BDNF: variants seen among roughly 807,000 people sequenced by gnomAD.
BDNF encodes the protein neurotrophic factor BDNF precursor form.
BDNF carries 1 observed loss-of-function variant against 19.5 expected under a neutral mutation model. The observed-to-expected ratio is 0.05, with a 90% CI of 0.02 to 0.24. The LOEUF (loss-of-function observed/expected upper bound fraction) is 0.24. Among genes scored for constraint, BDNF ranks in the 10% least tolerant of loss-of-function variants. The pLI is 1.00. For missense variants in BDNF, 195 were observed against 317.6 expected, an observed-to-expected ratio of 0.61 and a Z score of 2.93; for synonymous variants, 100 against 121.6, an observed-to-expected ratio of 0.82 and a Z score of 1.17.
chr11:27,704,623 A>G (rs1277908309), upstream of BDNF, among the ~76,000 whole-genome samples: 1 of 152,220 alleles, frequency 6.6e-6, no homozygotes, highest in East Asian at 1.9e-4. Context: ...CGTAATTAGC[A>G]TAGGGAAAAT....
intron 1 of BDNF, among the ~76,000 whole-genome samples, chr11:27,695,261 C>A (rs965143467): frequency 6.6e-6 from 1 of 151,848 alleles, no homozygotes; most frequent in South Asian, 2.1e-4. Flanking sequence ...CGTTTATTTT[C>A]TTTGAATTCC....
intron 1 of BDNF, among the ~76,000 whole-genome samples, chr11:27,681,140 G>T (rs1313777681): frequency 6.6e-6 from 1 of 151,924 alleles, no homozygotes. Context: ...TGGGGGAAAG[G>T]GATTTCCCTC....
chr11:27,679,408 A>T (rs1250256840), intron 1 of BDNF, among the ~76,000 whole-genome samples: 2 of 152,214 alleles, frequency 1.3e-5, no homozygotes, highest in East Asian at 3.8e-4. Context: ...TTAGTCATTT[A>T]TTCATTCAGC....
chr11:27,658,398 A>G lies in BDNF; in HGVS notation c.167T>C (p.Leu56Ser). ...TTCGAAAGTGTCAGCCAATGATGTC[A>G]AGCCTCTTGAACCTGCCTTGGGCCC... is the stretch of plus-strand genomic sequence containing the variant. The part of the protein sequence containing the change: ...VNGPKAGSRG[L>S]TSLADTFEHV... Residue 56 changes from leucine to serine, a missense_variant, in exon 2 of 2, where the codon TTG becomes TCG. Coordinates refer to ENST00000356660, the MANE Select transcript of BDNF (RefSeq NM_001709.5). This position sits in a 1 kb window ranked among gnomAD's most constrained non-coding sequence, Gnocchi z 5.7. 4.3e-6 allele frequency: 7 copies of G among 1,614,146 alleles called. No individual in the cohort carries two copies. The highest frequency in any genetic ancestry group is 3.4e-6 in the Non-Finnish European group (4 of 1,180,014).
chr11:27,660,449 T>C (rs1362032587), intron 1 of BDNF, among the ~76,000 whole-genome samples: 8 of 152,210 alleles, frequency 5.3e-5, no homozygotes, highest in South Asian at 4.1e-4. Flanking sequence ...CTGAGTCCTG[T>C]ACCATCAAAG....
chr11:27,711,567 T>C (rs756829285), intron 1 of BDNF, among the ~76,000 whole-genome samples: 1 of 152,190 alleles, frequency 6.6e-6, no homozygotes, highest in Non-Finnish European at 1.5e-5. Context: ...GGGTGGTAGC[T>C]ATAAGATGGG....
At chr11:27,660,392 A>G in intron 1 of BDNF, 1 of 342,838 alleles carries the variant, frequency 2.9e-6, no homozygotes. Flanking sequence ...TGGTTTGAAT[A>G]AAATACAGAT....
intron 1 of BDNF, among the ~76,000 whole-genome samples, chr11:27,661,696 T>C (rs1229345327): frequency 6.6e-6 from 1 of 152,202 alleles, no homozygotes; most frequent in African/African-American, 2.4e-5. Context: ...CTCAACTCTC[T>C]CCAACATCTG....
rs1852373425 is a variant in BDNF at position 27,654,952 on chromosome 11, T to A, written c.*2869A>T. The A allele has an allele frequency of 6.6e-6, 1 of 152,112 alleles. No homozygotes were observed. Among genetic ancestry groups the A allele is most frequent in the Admixed American group, 6.6e-5 (1 of 15,258 alleles). 9.4% of individuals were successfully genotyped at this position (152,112 alleles called of 1,614,324 possible). A position where few individuals can be genotyped will look rare whatever the true frequency, so the allele number is the denominator to read the frequency against. ...AAAAATTCTATATTTAAAACATATA[T>A]TATATGTTAATTAGTACACTTAAAT... On this transcript the variant is annotated 3_prime_UTR_variant, in exon 2 of 2. Coordinates refer to ENST00000356660, the MANE Select transcript of BDNF (RefSeq NM_001709.5).
Position 27,689,056 on chromosome 11 carries a change from T to G in BDNF, c.-22+11108A>C, listed in dbSNP as rs528891498. The stretch of plus-strand genomic sequence containing the variant: ...CATTTTTAATCTTCCCATTACCACT[T>G]TATTCCTTGGCACACAGAAGGGTAC... On this transcript the variant is annotated intron_variant, in intron 1 of 1. Coordinates refer to ENST00000356660, the MANE Select transcript of BDNF (RefSeq NM_001709.5). Among the ~76,000 whole-genome samples the G allele has an allele frequency of 5.3e-5, 8 of 152,316 alleles. No homozygotes were observed. In the South Asian group the frequency reaches 1.5e-3, roughly 28 times the overall value.
chr11:27,667,255 C>T (rs988259567), intron 1 of BDNF, among the ~76,000 whole-genome samples: 1 of 152,124 alleles, frequency 6.6e-6, no homozygotes, highest in East Asian at 1.9e-4. Flanking sequence ...CTTACAAGAG[C>T]TCCTGAAGGA....
At chr11:27,695,802 A>G (rs2134048664) in intron 1 of BDNF, among the ~76,000 whole-genome samples, 1 of 151,810 alleles carries the variant, frequency 6.6e-6, no homozygotes, top group East Asian at 1.9e-4. Context: ...ATGAGACATC[A>G]GGGCAATGAG....
intron 1 of BDNF, among the ~76,000 whole-genome samples, chr11:27,667,528 A>G (rs987863350): frequency 6.6e-6 from 1 of 152,206 alleles, no homozygotes; most frequent in African/African-American, 2.4e-5. Flanking sequence ...GACCCATCTC[A>G]TGTGCAGAGA....
chr11:27,658,675 G>A lies in BDNF; in HGVS notation c.-21-90C>T, dbSNP rs1852901320. On this transcript the variant is annotated intron_variant, in intron 1 of 1. Transcript: ENST00000356660. This position sits in a 1 kb window ranked among gnomAD's most constrained non-coding sequence, Gnocchi z 5.7. ...GTGGCCCATCTGATTGTAATTCCAG[G>A]CCATTCTGCAGGGTCAAGGTTTTTT... is the stretch of plus-strand genomic sequence containing the variant. The A allele has an allele frequency of 1.2e-6, 2 of 1,610,458 alleles. No homozygotes were observed. The highest frequency in any genetic ancestry group is 3.4e-5 in the Admixed American group (2 of 59,438).
At chr11:27,706,092 C>T (rs999543826) in intron 1 of BDNF, among the ~76,000 whole-genome samples, 1 of 152,128 alleles carries the variant, frequency 6.6e-6, no homozygotes, top group Non-Finnish European at 1.5e-5. Context: ...GAAACTTGCT[C>T]CCAAAGCTGG....
intron 1 of BDNF, among the ~76,000 whole-genome samples, chr11:27,683,086 T>C (rs1179113255): frequency 6.6e-6 from 1 of 152,224 alleles, no homozygotes; most frequent in Non-Finnish European, 1.5e-5. Context: ...TCCTGACTTT[T>C]TAATGATCGC....
At chr11:27,679,316 T>G (rs1257875880) in intron 1 of BDNF, among the ~76,000 whole-genome samples, 1 of 152,206 alleles carries the variant, frequency 6.6e-6, no homozygotes, top group African/African-American at 2.4e-5. Context: ...TCCTATGTTA[T>G]CTCAAGCCGA....
intron 1 of BDNF, among the ~76,000 whole-genome samples, chr11:27,666,976 C>T (rs1490069873): frequency 2.0e-5 from 3 of 152,028 alleles, no homozygotes; most frequent in Middle Eastern, 3.2e-3. Context: ...GTCAGATTCA[C>T]CAAAGTTGAA....
At chr11:27,704,855 G>C (rs1250489980), upstream of BDNF, among the ~76,000 whole-genome samples, 1 of 152,162 alleles carries the variant, frequency 6.6e-6, no homozygotes, top group Non-Finnish European at 1.5e-5. Context: ...CATAAGAATA[G>C]CTCAATACCA....
Sources: gnomAD v4.1 joint callset for allele counts (sites outside exome capture counted in the v4.1 genomes callset) on GRCh38, gnomAD v4.1.1 for gene constraint, Gnocchi (gnomAD v3.1) non-coding constraint, MANE v1.5 for transcripts, NCBI Gene and HGNC (gene_info 2026-07-23, HGNC 2026-07-21) for gene names.